UBR1: variants seen among roughly 807,000 people sequenced by gnomAD.
UBR1 encodes ubiquitin protein ligase E3 component n-recognin 1.
UBR1 carries 102 observed loss-of-function variants against 242.1 expected under a neutral mutation model. The observed-to-expected ratio is 0.42, with a 90% CI of 0.36 to 0.50. The LOEUF (loss-of-function observed/expected upper bound fraction) is 0.50. Ranked by LOEUF, UBR1 falls within the 20% of genes least tolerant of loss-of-function variation. The probability of loss-of-function intolerance (pLI) is 0.01; values close to 1 mark genes in which losing one functional copy is unlikely to be tolerated. For synonymous variants in UBR1, 675 were observed against 684.8 expected (o/e 0.99, Z 0.22); for missense variants, 1,772 against 2,101.8 (o/e 0.84, Z 3.07).
intron 40 of UBR1, among the ~76,000 whole-genome samples, chr15:42,970,293 G>A (rs1051630683): frequency 1.3e-5 from 2 of 152,186 alleles, no homozygotes; most frequent in African/African-American, 4.8e-5. Context: ...CTAGCCATAT[G>A]CAGAAAACTG....
intron 37 of UBR1, among the ~76,000 whole-genome samples, chr15:42,981,484 GC>G (rs1178432250): frequency 6.6e-6 from 1 of 151,870 alleles, no homozygotes; most frequent in Non-Finnish European, 1.5e-5. Flanking sequence ...TTTCTTTCTT[GC>G]CTCAATTTTT....
chr15:43,077,252 CG>C (rs1416173123), intron 3 of UBR1, among the ~76,000 whole-genome samples: 1 of 151,946 alleles, frequency 6.6e-6, no homozygotes, highest in Non-Finnish European at 1.5e-5. Flanking sequence ...GGATGGTTGC[CG>C]GGTCTGTGTG....
At chr15:43,017,462 A>T (rs2033043436) in intron 27 of UBR1, among the ~76,000 whole-genome samples, 1 of 152,140 alleles carries the variant, frequency 6.6e-6, no homozygotes, top group Admixed American at 6.5e-5. Flanking sequence ...AGGAAACAAA[A>T]ATTTTTTTAA....
intron 35 of UBR1, among the ~76,000 whole-genome samples, chr15:42,986,322 T>C (rs1052153179): frequency 1.3e-5 from 2 of 152,172 alleles, no homozygotes; most frequent in Admixed American, 6.5e-5. Context: ...AGCACAATAG[T>C]GAACACAATA....
At chr15:43,062,863 A>G (rs1259383927) in intron 6 of UBR1, among the ~76,000 whole-genome samples, 2 of 152,068 alleles carry the variant, frequency 1.3e-5, no homozygotes, top group Non-Finnish European at 2.9e-5. Context: ...CATACTCCCA[A>G]TTCTGATTTC....
intron 25 of UBR1, among the ~76,000 whole-genome samples, chr15:43,023,900 T>A (rs1051023950): frequency 6.6e-6 from 1 of 152,208 alleles, no homozygotes; most frequent in African/African-American, 2.4e-5. Flanking sequence ...AACATTTGTA[T>A]AAGAACGTAC....
chr15:43,013,384 A>G (rs1015102916), intron 29 of UBR1, among the ~76,000 whole-genome samples: 1 of 152,228 alleles, frequency 6.6e-6, no homozygotes, highest in Admixed American at 6.5e-5. Flanking sequence ...TTTCTCTAAG[A>G]GCATACCACA....
chr15:42,964,338 A>G (rs1032506302), intron 41 of UBR1, among the ~76,000 whole-genome samples: 1 of 152,066 alleles, frequency 6.6e-6, no homozygotes, highest in Non-Finnish European at 1.5e-5. Flanking sequence ...GCGTGGTGGC[A>G]CATGCCTGTA....
At chr15:43,007,778 T>C (rs1303141714) in intron 29 of UBR1, among the ~76,000 whole-genome samples, 1 of 152,242 alleles carries the variant, frequency 6.6e-6, no homozygotes, top group Non-Finnish European at 1.5e-5. Flanking sequence ...TATTCACTTA[T>C]AGTATCTTAC....
intron 33 of UBR1, among the ~76,000 whole-genome samples, chr15:42,993,433 G>A (rs929519425): frequency 1.3e-5 from 2 of 150,980 alleles, no homozygotes; most frequent in African/African-American, 2.4e-5. Flanking sequence ...GTGCAATCTC[G>A]GCTCACTGCA....
intron 35 of UBR1, 48 bp from the exon 36 acceptor site, chr15:42,984,990 T>A: frequency 7.6e-7 from 1 of 1,312,970 alleles, no homozygotes; most frequent in East Asian, 2.4e-5. Context: ...AATAGTGCTA[T>A]AATCATATAC....
chr15:43,082,034 T>C (rs559425073), intron 3 of UBR1, among the ~76,000 whole-genome samples: 12 of 152,222 alleles, frequency 7.9e-5, no homozygotes, highest in Middle Eastern at 3.4e-3. Context: ...GCTTTTTACA[T>C]TTAAAAGTAT....
chr15:42,977,210 C>G (rs1001038962), intron 38 of UBR1, among the ~76,000 whole-genome samples: 4 of 152,100 alleles, frequency 2.6e-5, no homozygotes, highest in Admixed American at 2.0e-4. Flanking sequence ...ATGAGAATCT[C>G]TTGGGGTAGG....
At chr15:43,047,097 C>T (rs1167107924) in intron 14 of UBR1, 64 bp downstream of exon 14, 14 of 1,582,380 alleles carry the variant, frequency 8.8e-6, no homozygotes, top group African/African-American at 1.3e-5. Flanking sequence ...CAACATAAAA[C>T]TATACTATTA....
Position 42,986,011 on chromosome 15 carries a change from A to G in UBR1, c.3998-1069T>C, listed in dbSNP as rs561617085. 8.2e-3 allele frequency among the ~76,000 whole-genome samples: 1,231 copies of G among 150,444 alleles called. 6 individuals are homozygous for G. Among genetic ancestry groups the G allele is most frequent in the Non-Finnish European group, 0.013 (854 of 67,316 alleles). On this transcript the variant is annotated intron_variant, in intron 35 of 46. Coordinates refer to ENST00000290650, the MANE Select transcript of UBR1 (RefSeq NM_174916.3). ...TCTCAAAAAAAAAAAAAAAAAAAAA[A>G]AGAGAAAGAAAAAGAGAAAATTAAA...
At chr15:43,010,037 A>G (rs2032896300) in intron 29 of UBR1, among the ~76,000 whole-genome samples, 1 of 152,080 alleles carries the variant, frequency 6.6e-6, no homozygotes, top group African/African-American at 2.4e-5. Context: ...ATGCCCAGCT[A>G]ATTTTTTTGT....
intron 1 of UBR1, among the ~76,000 whole-genome samples, chr15:43,088,916 CT>C (rs1399313381): frequency 6.6e-6 from 1 of 151,956 alleles, no homozygotes; most frequent in Non-Finnish European, 1.5e-5. Flanking sequence ...AATCCCAGCA[CT>C]TTGGGAGGCC....
intron 15 of UBR1, among the ~76,000 whole-genome samples, chr15:43,039,101 A>C (rs889932602): frequency 6.6e-6 from 1 of 151,906 alleles, no homozygotes; most frequent in African/African-American, 2.4e-5. Context: ...AAAAATTTTT[A>C]TTTTTATTAA....
Position 42,976,748 on chromosome 15 carries a change from G to A in UBR1, c.4338C>T (p.His1446=). 1 of 1,614,078 alleles carries A rather than the reference G, an allele frequency of 6.2e-7. No individual in the cohort carries two copies. The highest frequency in any genetic ancestry group is 8.5e-7 in the Non-Finnish European group (1 of 1,180,002). ...LYLFHLITMA[H]MLQILLTVDT... is the part of the protein sequence containing the mutation. ...CTACTGTAAGTAGTATCTGAAGCATGTGTGCCATGGTGATCAAATGGAAGA... is the reference window on the plus strand; with the variant it reads ...CTACTGTAAGTAGTATCTGAAGCATATGTGCCATGGTGATCAAATGGAAGA... Residue 1446 remains histidine, a synonymous_variant, in exon 39 of 47, where the codon CAC becomes CAT. Transcript: ENST00000290650.
Sources: gnomAD v4.1 joint callset for allele counts (sites outside exome capture counted in the v4.1 genomes callset) on GRCh38, gnomAD v4.1.1 for gene constraint, MANE v1.5 for transcripts, NCBI Gene and HGNC (gene_info 2026-07-23, HGNC 2026-07-21) for gene names.